The following IL1RAPL2 variants were observed in gnomAD, a reference collection of about 807,000 sequenced individuals.
IL1RAPL2 encodes the protein X-linked interleukin-1 receptor accessory protein-like 2.
Under a neutral mutation model 44.1 loss-of-function variants are expected in IL1RAPL2, and 3 were observed. The observed-to-expected ratio is 0.07, with a 90% CI of 0.03 to 0.18. The LOEUF is 0.18. Ranked by LOEUF, IL1RAPL2 falls within the 10% of genes least tolerant of loss-of-function variation. The pLI is 1.00. For synonymous variants in IL1RAPL2, 181 were observed against 178.8 expected (o/e 1.01, Z -0.10); for missense variants, 391 against 496.4 (o/e 0.79, Z 2.02).
chrX:105,280,683 G>A (rs1297826161), intron 5 of IL1RAPL2, among the ~76,000 whole-genome samples: 4 of 111,943 alleles, frequency 3.6e-5, no homozygotes, highest in East Asian at 2.8e-4. Flanking sequence ...AATGTTCATC[G>A]TCACTGGTCA....
chrX:104,971,684 T>C (rs2030239740), intron 2 of IL1RAPL2, among the ~76,000 whole-genome samples: 1 of 111,301 alleles, frequency 9.0e-6, no homozygotes, highest in Admixed American at 9.6e-5. Flanking sequence ...GGTGGCTAAA[T>C]ATTTTAGGGT....
intron 2 of IL1RAPL2, among the ~76,000 whole-genome samples, chrX:104,768,316 T>G (rs1044434978): frequency 9.0e-6 from 1 of 111,591 alleles, no homozygotes; most frequent in Non-Finnish European, 1.9e-5. Context: ...GCCTCAACCC[T>G]TTCCCCCACC....
At chrX:105,731,729 G>T (rs1343072611) in intron 7 of IL1RAPL2, among the ~76,000 whole-genome samples, 2 of 110,672 alleles carry the variant, frequency 1.8e-5, no homozygotes, top group South Asian at 7.6e-4. Flanking sequence ...TATGTAGGAA[G>T]TAAAAAAAAT....
intron 2 of IL1RAPL2, among the ~76,000 whole-genome samples, chrX:104,923,969 T>C (rs1426097368): frequency 1.0e-4 from 11 of 108,699 alleles, no homozygotes; most frequent in Non-Finnish European, 1.1e-4. Context: ...AAAAAATATA[T>C]ATTATGCAAA....
chrX:105,460,596 C>T (rs751625719), intron 5 of IL1RAPL2, among the ~76,000 whole-genome samples: 1 of 111,229 alleles, frequency 9.0e-6, no homozygotes, highest in Non-Finnish European at 1.9e-5. Context: ...GGTTAGCAAG[C>T]TGTGTAATGA....
chrX:104,668,800 T>C (rs1463818533), intron 2 of IL1RAPL2, among the ~76,000 whole-genome samples: 4 of 109,564 alleles, frequency 3.7e-5, no homozygotes, highest in African/African-American at 1.3e-4. Context: ...ATGGCTGTCT[T>C]CAGAGTCTGA....
chrX:105,520,459 T>C (rs1470955618), intron 6 of IL1RAPL2, among the ~76,000 whole-genome samples: 1 of 112,274 alleles, frequency 8.9e-6, no homozygotes, highest in Admixed American at 9.5e-5. Flanking sequence ...GAGATCATTT[T>C]AAGTTCTGTC....
chrX:105,022,473 A>C (rs1178112259), intron 2 of IL1RAPL2, among the ~76,000 whole-genome samples: 1 of 111,558 alleles, frequency 9.0e-6, no homozygotes, highest in Non-Finnish European at 1.9e-5. Flanking sequence ...TGTCTCAATG[A>C]ATAGTTTGGT....
At chrX:105,612,415 T>C (rs2037343493) in intron 6 of IL1RAPL2, among the ~76,000 whole-genome samples, 2 of 112,062 alleles carry the variant, frequency 1.8e-5, no homozygotes, top group Admixed American at 1.9e-4. Context: ...CTAACCAAAC[T>C]GTTTTAAAAC....
chrX:105,512,823 T>G (rs2036480313), intron 6 of IL1RAPL2, among the ~76,000 whole-genome samples: 1 of 110,635 alleles, frequency 9.0e-6, no homozygotes, highest in Non-Finnish European at 1.9e-5. Flanking sequence ...GAACATGCAG[T>G]TTTTTTTACA....
At chrX:105,695,115 A>G (rs912303078) in intron 6 of IL1RAPL2, among the ~76,000 whole-genome samples, 1 of 111,752 alleles carries the variant, frequency 8.9e-6, no homozygotes, top group African/African-American at 3.2e-5. Context: ...TGAAAATTGC[A>G]AAGACAAATA....
chrX:105,106,900 G>T (rs2032749625), intron 2 of IL1RAPL2, among the ~76,000 whole-genome samples: 1 of 110,978 alleles, frequency 9.0e-6, no homozygotes, highest in African/African-American at 3.3e-5. Flanking sequence ...TCTCCTTCTG[G>T]GCCAAGCAGT....
intron 2 of IL1RAPL2, among the ~76,000 whole-genome samples, chrX:105,165,813 A>G (rs991771454): frequency 9.0e-6 from 1 of 111,466 alleles, no homozygotes; most frequent in Non-Finnish European, 1.9e-5. Flanking sequence ...GTATTCATCT[A>G]GCTATTGGCT....
intron 5 of IL1RAPL2, among the ~76,000 whole-genome samples, chrX:105,291,100 G>A (rs1245947961): frequency 3.6e-5 from 4 of 111,431 alleles, no homozygotes; most frequent in Non-Finnish European, 5.7e-5. Context: ...ATTTTGTGCT[G>A]AATTGCTACT....
intron 2 of IL1RAPL2, among the ~76,000 whole-genome samples, chrX:105,020,828 C>G (rs1330519551): frequency 9.0e-6 from 1 of 111,203 alleles, no homozygotes; most frequent in African/African-American, 3.3e-5. Flanking sequence ...GGACAGAGGA[C>G]TGAAAAAATA....
rs761129521 is a variant in IL1RAPL2 at position 105,507,766 on chromosome X, T to C, written c.772+23379T>C. Among the ~76,000 whole-genome samples, 106 of 111,936 alleles carry C rather than the reference T, an allele frequency of 9.5e-4. 1 individual carries two copies. Among genetic ancestry groups the C allele is most frequent in the Non-Finnish European group, 1.2e-3 (62 of 53,128 alleles). On this transcript the variant is annotated intron_variant, in intron 6 of 10. Coordinates refer to ENST00000372582, the MANE Select transcript of IL1RAPL2 (RefSeq NM_017416.2). ...TAATTTTAATTTATTTTGATGTTAA[T>C]ATTGAAAAACCACTTAGCATATGCT...
At chrX:105,008,527 G>A (rs866039659) in intron 2 of IL1RAPL2, among the ~76,000 whole-genome samples, 5 of 111,126 alleles carry the variant, frequency 4.5e-5, no homozygotes, top group African/African-American at 1.3e-4. Context: ...AATAAATGGT[G>A]CTGGGAAAAC....
chrX:105,706,978 C>T (rs1005395664), intron 6 of IL1RAPL2, among the ~76,000 whole-genome samples: 4 of 111,508 alleles, frequency 3.6e-5, no homozygotes, highest in Admixed American at 1.9e-4. Flanking sequence ...AACTCATTTC[C>T]TTCTCTCTTC....
At chrX:104,995,099 A>G (rs944988552) in intron 2 of IL1RAPL2, among the ~76,000 whole-genome samples, 1 of 110,745 alleles carries the variant, frequency 9.0e-6, no homozygotes, top group Admixed American at 9.6e-5. Flanking sequence ...CCTTACCCCC[A>G]CCATCACACT....
Sources: gnomAD v4.1 joint callset for allele counts (sites outside exome capture counted in the v4.1 genomes callset) on GRCh38, gnomAD v4.1.1 for gene constraint, MANE v1.5 for transcripts, NCBI Gene and HGNC (gene_info 2026-07-23, HGNC 2026-07-21) for gene names.